SGCG: variants seen among roughly 807,000 people sequenced by gnomAD.
SGCG encodes gamma-sarcoglycan.
A neutral mutation model predicts 29.3 loss-of-function variants in SGCG; 26 were observed. That is an observed-to-expected ratio of 0.89 (90% CI 0.65 to 1.23). The LOEUF is 1.23. Ranked by LOEUF, SGCG falls within the 50% of genes most tolerant of loss-of-function variation. The probability of loss-of-function intolerance (pLI) is 0.00; values close to 1 mark genes in which losing one functional copy is unlikely to be tolerated. For synonymous variants in SGCG, 145 were observed against 129.7 expected, an observed-to-expected ratio of 1.12 and a Z score of -0.80; for missense variants, 353 against 356.0, an observed-to-expected ratio of 0.99 and a Z score of 0.07.
chr13:23,277,800 G>A (rs1370366578), intron 4 of SGCG, among the ~76,000 whole-genome samples: 7 of 149,512 alleles, frequency 4.7e-5, no homozygotes, highest in Non-Finnish European at 8.9e-5. Flanking sequence ...CCAGGTTCAT[G>A]CCATTCTCCC....
intron 2 of SGCG, among the ~76,000 whole-genome samples, chr13:23,224,680 A>ACACACCCC (rs1433903594): frequency 6.6e-6 from 1 of 150,668 alleles, no homozygotes; most frequent in East Asian, 2.0e-4. Context: ...ACACACACAC[A>ACACACCCC]CCCCACACCA....
intron 4 of SGCG, among the ~76,000 whole-genome samples, chr13:23,271,552 T>C (rs1461005879): frequency 6.6e-6 from 1 of 152,250 alleles, no homozygotes; most frequent in Non-Finnish European, 1.5e-5. Context: ...TGTTCGTGTT[T>C]CCATGCCTAG....
chr13:23,177,568 C>CTTTT (rs71100158), upstream of SGCG, among the ~76,000 whole-genome samples: 395 of 76,404 alleles, frequency 5.2e-3, 5 homozygotes, highest in African/African-American at 6.8e-3. Flanking sequence ...TGTGAGCAGG[C>CTTTT]TTTTTTTTTT....
intron 3 of SGCG, among the ~76,000 whole-genome samples, chr13:23,248,626 G>A (rs1196587222): frequency 1.3e-5 from 2 of 148,762 alleles, no homozygotes; most frequent in Non-Finnish European, 3.0e-5. Flanking sequence ...CCCGGGAGGC[G>A]GAGCTTCCGG....
At chr13:23,229,198 T>C (rs951258851) in intron 2 of SGCG, among the ~76,000 whole-genome samples, 1 of 152,170 alleles carries the variant, frequency 6.6e-6, no homozygotes, top group Non-Finnish European at 1.5e-5. Context: ...TAGTCTACTG[T>C]TGATGGACAT....
Position 23,251,488 on chromosome 13 carries a change from A to G in SGCG, c.385+771A>G, listed in dbSNP as rs17070555. ...ATATCAGAAGAGCAAACCAGCTGGT[A>G]AGAAGGAATGCAGGCCAGGCATGGT... On this transcript the variant is annotated intron_variant, in intron 4 of 7. Coordinates refer to ENST00000218867, the MANE Select transcript of SGCG (RefSeq NM_000231.3). Among the ~76,000 whole-genome samples the G allele has an allele frequency of 4.0e-3, 608 of 152,306 alleles. 4 individuals carry two copies. The highest frequency in any genetic ancestry group is 0.014 in the African/African-American group (575 of 41,564).
intron 3 of SGCG, among the ~76,000 whole-genome samples, chr13:23,249,118 A>G (rs560278725): frequency 6.6e-6 from 1 of 152,280 alleles, no homozygotes; most frequent in East Asian, 1.9e-4. Flanking sequence ...AATTTGGGAC[A>G]CTTTGTAAAT....
chr13:23,308,684 C>T (rs1882442176), intron 6 of SGCG, among the ~76,000 whole-genome samples: 1 of 152,048 alleles, frequency 6.6e-6, no homozygotes, highest in African/African-American at 2.4e-5. Flanking sequence ...CCCACCTTAG[C>T]GCCCTGAGTA....
chr13:23,202,980 G>A (rs1195735297), intron 1 of SGCG, among the ~76,000 whole-genome samples: 1 of 151,480 alleles, frequency 6.6e-6, no homozygotes, highest in East Asian at 1.9e-4. Context: ...TTTTTTTTGA[G>A]ATGGAGTCTC....
chr13:23,297,294 C>A (rs1448301795), intron 6 of SGCG, among the ~76,000 whole-genome samples: 1 of 151,462 alleles, frequency 6.6e-6, no homozygotes, highest in Non-Finnish European at 1.5e-5. Context: ...TCAGGGAGAC[C>A]CTAACCCAGC....
chr13:23,306,673 T>G (rs901221154), intron 6 of SGCG, among the ~76,000 whole-genome samples: 165 of 152,348 alleles, frequency 1.1e-3, no homozygotes, highest in African/African-American at 3.9e-3. Flanking sequence ...TAAGTCTTCT[T>G]AACTTGAACA....
intron 1 of SGCG, among the ~76,000 whole-genome samples, chr13:23,184,879 T>C (rs1876909167): frequency 6.6e-6 from 1 of 152,184 alleles, no homozygotes; most frequent in Admixed American, 6.5e-5. Flanking sequence ...AGTGTCAACC[T>C]AAATAACAAG....
Position 23,203,714 on chromosome 13 carries a change from C to A in SGCG, c.20C>A (p.Thr7Asn), listed in dbSNP as rs1440978468. 3 of 1,613,336 alleles carry A rather than the reference C, an allele frequency of 1.9e-6. No homozygotes were observed. The East Asian group carries it at 6.7e-5, about 36-fold the overall frequency. ...TGGCAGATGGTGCGTGAGCAGTACA[C>A]TACAGCCACAGAAGGCATCTGCATA... MVREQY[T>N]TATEGICIER... is the part of the protein sequence containing the mutation. Residue 7 changes from threonine (T) to asparagine (N), a missense_variant, in exon 2 of 8, where the codon ACT becomes AAT. Coordinates refer to ENST00000218867, the MANE Select transcript of SGCG (RefSeq NM_000231.3).
intron 1 of SGCG, among the ~76,000 whole-genome samples, chr13:23,185,052 G>A (rs183648973): frequency 1.5e-3 from 229 of 152,308 alleles, no homozygotes; most frequent in Middle Eastern, 0.014. Context: ...AAGTGTTTAA[G>A]GTTGTGGTTT....
chr13:23,192,625 A>G (rs527937643), intron 1 of SGCG, among the ~76,000 whole-genome samples: 1 of 152,218 alleles, frequency 6.6e-6, no homozygotes, highest in East Asian at 1.9e-4. Flanking sequence ...CAAACTCCTG[A>G]CCTCAGGTGA....
intron 4 of SGCG, among the ~76,000 whole-genome samples, chr13:23,263,710 A>G (rs1004611843): frequency 6.6e-5 from 10 of 152,094 alleles, no homozygotes; most frequent in African/African-American, 1.7e-4. Context: ...ACTGAATCCA[A>G]CAGCACTCCA....
intron 1 of SGCG, among the ~76,000 whole-genome samples, chr13:23,196,375 G>C (rs1257333494): frequency 1.4e-5 from 1 of 70,794 alleles, no homozygotes; most frequent in African/African-American, 5.9e-5. Context: ...AATATCTTTT[G>C]GGGGGGTTAT....
chr13:23,240,787 C>T (rs1020364603), intron 3 of SGCG, among the ~76,000 whole-genome samples: 1 of 152,026 alleles, frequency 6.6e-6, no homozygotes, highest in African/African-American at 2.4e-5. Context: ...AAAACAATAA[C>T]ATTAAATTTG....
chr13:23,308,091 C>G (rs1882424461), intron 6 of SGCG, among the ~76,000 whole-genome samples: 2 of 152,206 alleles, frequency 1.3e-5, no homozygotes. Flanking sequence ...AATTTATAGA[C>G]ACTGATCTTT....
Sources: allele counts gnomAD v4.1 joint callset (sites outside exome capture counted in the v4.1 genomes callset), GRCh38; gene constraint gnomAD v4.1.1; transcripts MANE v1.5; gene names NCBI Gene and HGNC (gene_info 2026-07-23, HGNC 2026-07-21).